GRIA1: variants seen among roughly 807,000 people sequenced by gnomAD.
The protein encoded by GRIA1 is glutamate ionotropic receptor AMPA type subunit 1.
GRIA1 carries 31 observed loss-of-function variants against 99.2 expected under a neutral mutation model. The observed-to-expected ratio is 0.31, with a 90% CI of 0.23 to 0.42. The LOEUF is 0.42. Ranked by LOEUF, GRIA1 falls within the 10% of genes least tolerant of loss-of-function variation. The pLI, the probability that GRIA1 is intolerant of heterozygous loss-of-function variation, is 1.00. For synonymous variants in GRIA1, 438 were observed against 432.4 expected (o/e 1.01, Z -0.16); for missense variants, 782 against 1,157.5 (o/e 0.68, Z 4.71).
intron 2 of GRIA1, among the ~76,000 whole-genome samples, chr5:153,585,489 A>G (rs1763402543): frequency 1.3e-5 from 2 of 151,414 alleles, no homozygotes; most frequent in Non-Finnish European, 2.9e-5. Flanking sequence ...TTGTGTTTTT[A>G]GTAGAGACAG....
chr5:153,757,690 C>G (rs370156344), intron 11 of GRIA1, among the ~76,000 whole-genome samples: 6 of 152,130 alleles, frequency 3.9e-5, no homozygotes, highest in African/African-American at 1.4e-4. Context: ...AACCAATAAG[C>G]CTGTACCCAG....
At chr5:153,711,368 C>T (rs532016751) in intron 11 of GRIA1, among the ~76,000 whole-genome samples, 1 of 152,052 alleles carries the variant, frequency 6.6e-6, no homozygotes, top group Non-Finnish European at 1.5e-5. Context: ...TGATGGTCAT[C>T]GACATGGATT....
chr5:153,568,169 G>A (rs933580489), intron 2 of GRIA1, among the ~76,000 whole-genome samples: 1 of 152,178 alleles, frequency 6.6e-6, no homozygotes, highest in Non-Finnish European at 1.5e-5. Context: ...TTTATTAACT[G>A]TAGGATTGCA....
intron 11 of GRIA1, among the ~76,000 whole-genome samples, chr5:153,740,601 T>C (rs1186607245): frequency 6.6e-6 from 1 of 152,104 alleles, no homozygotes; most frequent in African/African-American, 2.4e-5. Flanking sequence ...TCCTAGGGAG[T>C]TGCTGTGGGA....
intron 11 of GRIA1, among the ~76,000 whole-genome samples, chr5:153,745,227 A>T (rs1436417378): frequency 2.6e-5 from 4 of 151,602 alleles, no homozygotes; most frequent in Non-Finnish European, 4.4e-5. Context: ...ATTCACTGTC[A>T]TGTTTATGTT....
chr5:153,787,430 G>A (rs1445517826), intron 13 of GRIA1, among the ~76,000 whole-genome samples: 1 of 152,098 alleles, frequency 6.6e-6, no homozygotes. Flanking sequence ...TTCATCCCCT[G>A]ATGACCCACA....
chr5:153,729,749 A>G (rs1480665549), intron 11 of GRIA1, among the ~76,000 whole-genome samples: 2 of 152,100 alleles, frequency 1.3e-5, no homozygotes, highest in Non-Finnish European at 2.9e-5. Flanking sequence ...CAATAAATCA[A>G]AACTGTACCA....
chr5:153,779,174 C>T (rs909272944), intron 13 of GRIA1, among the ~76,000 whole-genome samples: 6 of 152,160 alleles, frequency 3.9e-5, no homozygotes, highest in African/African-American at 1.4e-4. Context: ...ATACATTAAT[C>T]CTTCCCTCAT....
intron 2 of GRIA1, among the ~76,000 whole-genome samples, chr5:153,606,347 C>T (rs536849821): frequency 2.6e-5 from 4 of 152,044 alleles, no homozygotes; most frequent in African/African-American, 9.7e-5. Context: ...GAACAGGAAG[C>T]TTTTCCCCTT....
At chr5:153,768,714 A>G (rs1231520686) in intron 12 of GRIA1, among the ~76,000 whole-genome samples, 1 of 152,164 alleles carries the variant, frequency 6.6e-6, no homozygotes, top group Non-Finnish European at 1.5e-5. Flanking sequence ...TTGTATACAG[A>G]AAAAAGTGAT....
chr5:153,540,992 C>G (rs1759033373), intron 2 of GRIA1, among the ~76,000 whole-genome samples: 1 of 152,136 alleles, frequency 6.6e-6, no homozygotes, highest in African/African-American at 2.4e-5. Context: ...TACCCAAAAC[C>G]TGCAGGACCC....
At position 153,490,918 on chromosome 5, in the gene GRIA1, C is replaced by A. The variant is rs775737542; in HGVS notation, c.30C>A (p.Thr10=). 6.2e-7 allele frequency: 1 copy of A among 1,614,090 alleles called. No individual in the cohort carries two copies. Among genetic ancestry groups the A allele is most frequent in the Non-Finnish European group, 8.5e-7 (1 of 1,179,984 alleles). Residue 10 remains threonine, a synonymous_variant, in exon 1 of 16, where the codon ACC becomes ACA. Coordinates refer to ENST00000285900, the MANE Select transcript of GRIA1 (RefSeq NM_000827.4). MQHIFAFFC[T]GFLGAVVGAN... is the part of the protein sequence containing the mutation. The stretch of plus-strand genomic sequence containing the variant: ...AGCACATTTTTGCCTTCTTCTGCAC[C>A]GGTTTCCTAGGCGCGGTAGTAGGTG...
intron 15 of GRIA1, among the ~76,000 whole-genome samples, chr5:153,803,556 G>A (rs1766197699): frequency 6.6e-6 from 1 of 152,186 alleles, no homozygotes; most frequent in African/African-American, 2.4e-5. Flanking sequence ...AGAGAAGAAA[G>A]ATTGAAGAAG....
intron 2 of GRIA1, among the ~76,000 whole-genome samples, chr5:153,556,099 G>A (rs545336647): frequency 2.0e-5 from 3 of 152,320 alleles, no homozygotes; most frequent in South Asian, 4.1e-4. Context: ...GATTAAAGCT[G>A]TTAATCTATC....
chr5:153,667,859 A>G (rs956064764), intron 5 of GRIA1, among the ~76,000 whole-genome samples: 1 of 152,226 alleles, frequency 6.6e-6, no homozygotes, highest in African/African-American at 2.4e-5. Context: ...ACACCTCTTT[A>G]GGATATCATA....
At chr5:153,509,933 C>T (rs1430570494) in intron 2 of GRIA1, among the ~76,000 whole-genome samples, 8 of 152,124 alleles carry the variant, frequency 5.3e-5, no homozygotes. Flanking sequence ...AAATGAGGGG[C>T]ACAGAGAATA....
At chr5:153,705,300 G>T (rs1019038857) in intron 10 of GRIA1, among the ~76,000 whole-genome samples, 1 of 152,166 alleles carries the variant, frequency 6.6e-6, no homozygotes, top group Non-Finnish European at 1.5e-5. Context: ...TGGGTCACCT[G>T]CTTCCCCATG....
chr5:153,688,721 C>CT (rs921251469), intron 8 of GRIA1, among the ~76,000 whole-genome samples: 2 of 151,172 alleles, frequency 1.3e-5, no homozygotes, highest in African/African-American at 2.4e-5. Flanking sequence ...CTTTCAGATT[C>CT]TTTTTTTGTT....
At chr5:153,787,143 C>T (rs1031336853) in intron 13 of GRIA1, among the ~76,000 whole-genome samples, 2 of 152,196 alleles carry the variant, frequency 1.3e-5, no homozygotes, top group South Asian at 2.1e-4. Flanking sequence ...CTTTAATTTC[C>T]CTGCAAGTAT....
Sources: gnomAD v4.1 joint callset for allele counts (sites outside exome capture counted in the v4.1 genomes callset) on GRCh38, gnomAD v4.1.1 for gene constraint, MANE v1.5 for transcripts, NCBI Gene and HGNC (gene_info 2026-07-23, HGNC 2026-07-21) for gene names.